Variants in IL4I1 observed in about 807,000 individuals in gnomAD.
IL4I1 encodes interleukin 4 induced 1.
IL4I1 carries 24 observed loss-of-function variants against 29.7 expected under a neutral mutation model. The observed-to-expected ratio is 0.81, with a 90% CI of 0.59 to 1.14. The LOEUF (loss-of-function observed/expected upper bound fraction) is 1.14, where lower values mean the gene tolerates loss of function less well. Among genes scored for constraint, IL4I1 ranks in the 50% most tolerant of loss-of-function variants. The probability of loss-of-function intolerance (pLI) is 0.00; values close to 1 mark genes in which losing one functional copy is unlikely to be tolerated. For synonymous variants in IL4I1, 371 were observed against 352.5 expected, an observed-to-expected ratio of 1.05 and a Z score of -0.59; for missense variants, 686 against 785.6, an observed-to-expected ratio of 0.87 and a Z score of 1.52.
chr19:49,915,359 T>C (rs1305817264), intron 2 of IL4I1, among the ~76,000 whole-genome samples: 1 of 152,092 alleles, frequency 6.6e-6, no homozygotes, highest in African/African-American at 2.4e-5. Context: ...TATGGAAGAA[T>C]GGACTGAGAG....
Position 49,891,025 on chromosome 19 carries a change from TAGA to T in IL4I1, c.716_718del (p.Phe239del). 1 of 1,597,186 alleles carries T rather than the reference TAGA, an allele frequency of 6.3e-7. No individual in the cohort carries two copies. Among genetic ancestry groups the T allele is most frequent in the Non-Finnish European group, 8.5e-7 (1 of 1,173,068 alleles). ...CCGGAGGGCCTCGGCGAAGCTGAGA[TAGA>T]AGAAGCCATCCTCGGACATCACGTC... On this transcript the variant is annotated inframe_deletion, in exon 7 of 8. Coordinates refer to ENST00000391826, the MANE Select transcript of IL4I1 (RefSeq NM_152899.2).
intron 5 of IL4I1, 54 bp from the exon 6 acceptor site, chr19:49,891,527 G>T: frequency 6.7e-7 from 1 of 1,501,708 alleles, no homozygotes; most frequent in Non-Finnish European, 9.3e-7. Context: ...CCAGGGTGGA[G>T]GCCGGGCCTG....
Position 49,890,322 on chromosome 19 carries a change from G to T in IL4I1, c.1052C>A (p.Pro351Gln). The change falls in exon 8 of 8, where the codon CCG becomes CAG. Residue 351 changes from proline to glutamine, a missense_variant. Physicochemically the swap from Pro to Gln is moderately conservative, Grantham distance 76. Transcript: ENST00000391826. ...GAAGCTTAGGAACACCTTGGTGGCC[G>T]GCACGTAGTGCAGCCTCCGCAGCGC... Reference protein sequence around the residue: ...QEALRRLHYVPATKVFLSFRR... With the variant: ...QEALRRLHYVQATKVFLSFRR... 1 of 1,607,100 alleles carries T rather than the reference G, an allele frequency of 6.2e-7. No individual in the cohort carries two copies. The highest frequency in any genetic ancestry group is 8.5e-7 in the Non-Finnish European group (1 of 1,177,800).
At chr19:49,903,298 C>A (rs1474321592) in intron 3 of IL4I1, among the ~76,000 whole-genome samples, 1 of 152,180 alleles carries the variant, frequency 6.6e-6, no homozygotes, top group Non-Finnish European at 1.5e-5. Flanking sequence ...GCAGCGCACC[C>A]GGTCTGCTTC....
At chr19:49,909,777 C>T in intron 2 of IL4I1, 2 of 1,614,138 alleles carry the variant, frequency 1.2e-6, no homozygotes, top group South Asian at 2.2e-5. Context: ...CCTGTAGGGG[C>T]CCCAGTGCCT....
At chr19:49,890,668 C>G (rs111751469) in intron 7 of IL4I1, 68 bp from the exon 8 acceptor site, 1 of 1,357,488 alleles carries the variant, frequency 7.4e-7, no homozygotes, top group Admixed American at 2.9e-5. Context: ...CTGCCTTGCC[C>G]CACCCACCCC....
intron 7 of IL4I1, 43 bp downstream of exon 7, chr19:49,890,928 T>TGGCGGGGGGGGGGGGGGGGGGGGGGGG: frequency 1.6e-6 from 1 of 633,210 alleles, no homozygotes; most frequent in Non-Finnish European, 2.4e-6. Context: ...TTTCCCTGAT[T>TGGCGGGGGGGGGGGGGGGGGGGGGGGG]GCCCCCCGCC....
intron 2 of IL4I1, among the ~76,000 whole-genome samples, chr19:49,919,141 G>T (rs1371750005): frequency 6.6e-6 from 1 of 152,156 alleles, no homozygotes; most frequent in Non-Finnish European, 1.5e-5. Flanking sequence ...CAACAAGAGT[G>T]AAACTCGGTC....
At chr19:49,908,115 G>A in intron 2 of IL4I1, 2 of 1,511,622 alleles carry the variant, frequency 1.3e-6, no homozygotes, top group Non-Finnish European at 1.8e-6. Flanking sequence ...TCATGTCAAG[G>A]GCAGTCATGT....
intron 2 of IL4I1, among the ~76,000 whole-genome samples, chr19:49,926,198 G>A (rs1600567362): frequency 8.6e-6 from 1 of 116,782 alleles, no homozygotes; most frequent in African/African-American, 3.5e-5. Flanking sequence ...AACAGAGCGA[G>A]ACTCTGTCTC....
intron 2 of IL4I1, among the ~76,000 whole-genome samples, chr19:49,920,641 G>A (rs2075743698): frequency 6.6e-6 from 1 of 152,200 alleles, no homozygotes; most frequent in African/African-American, 2.4e-5. Context: ...CGAGGGCAAC[G>A]GCTCGGGCAG....
In IL4I1 at chr19:49,894,435, T is replaced by C. The variant is rs1279274410; in HGVS notation, c.400A>G (p.Asn134Asp). 6.2e-7 allele frequency: 1 copy of C among 1,614,140 alleles called. No homozygotes were observed. Among genetic ancestry groups the C allele is most frequent in the Non-Finnish European group, 8.5e-7 (1 of 1,180,024 alleles). Residue 134 changes from asparagine to aspartate, a missense_variant, in exon 5 of 8, where the codon AAC (asparagine) becomes GAC (aspartate). Asn to Asp is a conservative substitution (Grantham distance 23, BLOSUM62 1). Coordinates refer to ENST00000391826, the MANE Select transcript of IL4I1 (RefSeq NM_152899.2). ...LHKLCQGLGL[N>D]LTKFTQYDKN... The stretch of plus-strand genomic sequence containing the variant: ...TCGTACTGGGTGAACTTGGTCAGGT[T>C]GAGCCCCAGGCCCTGGCAGAGCTTG...
intron 4 of IL4I1, among the ~76,000 whole-genome samples, chr19:49,894,815 G>A (rs2075183926): frequency 6.6e-6 from 1 of 152,082 alleles, no homozygotes; most frequent in African/African-American, 2.4e-5. Context: ...TGCAGGCCTG[G>A]AGGGGCCAGC....
Position 49,889,768 on chromosome 19 carries a change from T to C in IL4I1, c.1606A>G (p.Ser536Gly). Residue 536 changes from serine (S) to glycine (G), a missense_variant, in exon 8 of 8, where the codon AGC (serine) becomes GGC (glycine). Transcript: ENST00000391826. ...TCCTTTGCCAGGTCATGCGAGGGGC[T>C]GCTGGCCACCCCATGCACATGCCCC... ...GQGHVHGVAS[S>G]PSHDLAKEEG... The C allele has an allele frequency of 6.6e-7, 1 of 1,525,420 alleles. No homozygotes were observed. The highest frequency in any genetic ancestry group is 8.8e-7 in the Non-Finnish European group (1 of 1,136,768). The allele number at this position is 1,525,420 out of a possible 1,614,324, so 94.5% of individuals were successfully genotyped here.
rs369542657 is a variant in IL4I1, at chr19:49,891,411, C to A, written c.630G>T (p.Thr210=). Residue 210 remains threonine, a synonymous_variant, in exon 6 of 8, where the codon ACG becomes ACT. Transcript: ENST00000391826. The stretch of plus-strand genomic sequence containing the variant: ...AACCAAGATCCCCACTTACCAAGAG[C>A]GTGTGCCTTTCAAACTTCTTCATCG... ...RKAMKKFERH[T]LLEYLLGEGN... 1.1e-5 allele frequency: 17 copies of A among 1,613,910 alleles called. No individual in the cohort carries two copies. The highest frequency in any genetic ancestry group is 1.4e-5 in the Non-Finnish European group (16 of 1,179,916).
At chr19:49,912,726 C>T (rs573252714) in intron 2 of IL4I1, among the ~76,000 whole-genome samples, 85 of 152,126 alleles carry the variant, frequency 5.6e-4, no homozygotes, top group African/African-American at 1.9e-3. Flanking sequence ...ATGAGTTGGC[C>T]GTGGTGGCAG....
upstream of IL4I1, among the ~76,000 whole-genome samples, chr19:49,898,157 C>A (rs1476100149): frequency 6.6e-6 from 1 of 150,838 alleles, no homozygotes; most frequent in Admixed American, 6.6e-5. Flanking sequence ...CTCGTCTCTA[C>A]TAAAAATATA....
chr19:49,897,803 G>A (rs896477790), upstream of IL4I1, among the ~76,000 whole-genome samples: 1 of 152,082 alleles, frequency 6.6e-6, no homozygotes, highest in Non-Finnish European at 1.5e-5. Flanking sequence ...AAACCAGAGG[G>A]AGGCAGATTC....
intron 2 of IL4I1, chr19:49,906,908 T>C (rs11547265): frequency 6.6e-6 from 1 of 152,378 alleles, no homozygotes; most frequent in African/African-American, 2.4e-5. Context: ...TAAAGACAAA[T>C]ACAAAAGATG....
Sources: allele counts gnomAD v4.1 joint callset (sites outside exome capture counted in the v4.1 genomes callset), GRCh38; gene constraint gnomAD v4.1.1; transcripts MANE v1.5; gene names NCBI Gene and HGNC (gene_info 2026-07-23, HGNC 2026-07-21).